LEMD1: variants seen among roughly 807,000 people sequenced by gnomAD.
The protein encoded by LEMD1 is LEM domain containing 1.
Under a neutral mutation model 17.4 loss-of-function variants are expected in LEMD1, and 18 were observed. The ratio of observed to expected loss-of-function variants is 1.04; its 90% CI spans 0.72 to 1.54. LEMD1 has a LOEUF of 1.54. Among genes scored for constraint, LEMD1 ranks in the 40% most tolerant of loss-of-function variants. LEMD1 has a pLI of 0.00. For synonymous variants in LEMD1, 88 were observed against 77.8 expected, an observed-to-expected ratio of 1.13 and a Z score of -0.69; for missense variants, 195 against 210.4, an observed-to-expected ratio of 0.93 and a Z score of 0.45.
At chr1:205,420,901 C>G (rs1478497901) in intron 1 of LEMD1, among the ~76,000 whole-genome samples, 1 of 150,376 alleles carries the variant, frequency 6.6e-6, no homozygotes, top group Non-Finnish European at 1.5e-5. Context: ...GAGCAAAACT[C>G]AAGCTCTGAG....
At chr1:205,429,991 C>T (rs952763828) in intron 1 of LEMD1, among the ~76,000 whole-genome samples, 1 of 152,136 alleles carries the variant, frequency 6.6e-6, no homozygotes, top group Non-Finnish European at 1.5e-5. Flanking sequence ...GGTGACATTC[C>T]GAAACACTAC....
chr1:205,440,109 G>C (rs1666268745), intron 1 of LEMD1, among the ~76,000 whole-genome samples: 1 of 152,150 alleles, frequency 6.6e-6, no homozygotes, highest in South Asian at 2.1e-4. Context: ...GAGAATCAAG[G>C]GAGGGCACGG....
rs58501412 is a variant in LEMD1 at position 205,418,851 on chromosome 1, C to T, written c.205+379G>A. ...CTTAATAGGCATAAAATCATTTAAT[C>T]CCCCCAAAATAATGGTCAGATTTAT... On this transcript the variant is annotated intron_variant, in intron 3 of 5. Coordinates refer to ENST00000367153, the MANE Select transcript of LEMD1 (RefSeq NM_001199050.2). 7.9e-5 allele frequency among the ~76,000 whole-genome samples: 12 copies of T among 152,204 alleles called. No individual in the cohort carries two copies. In the East Asian group the frequency reaches 1.4e-3, roughly 17 times the overall value.
intron 4 of LEMD1, among the ~76,000 whole-genome samples, chr1:205,406,501 C>T (rs1665115243): frequency 6.6e-6 from 1 of 152,240 alleles, no homozygotes; most frequent in Non-Finnish European, 1.5e-5. Context: ...GGCGTAGGAC[C>T]CTCACATCCA....
intron 3 of LEMD1, among the ~76,000 whole-genome samples, chr1:205,417,910 G>A (rs1330634332): frequency 6.6e-6 from 1 of 151,580 alleles, no homozygotes; most frequent in African/African-American, 2.4e-5. Flanking sequence ...GGAGTGGAAA[G>A]AGCAAAGTTT....
intron 1 of LEMD1, among the ~76,000 whole-genome samples, chr1:205,430,470 G>A (rs575766691): frequency 4.4e-4 from 67 of 152,334 alleles, no homozygotes; most frequent in African/African-American, 1.6e-3. Flanking sequence ...GGAGAGTAGG[G>A]TAGGGGTGGA....
chr1:205,406,662 G>C (rs1257047742), intron 4 of LEMD1, among the ~76,000 whole-genome samples: 1 of 152,314 alleles, frequency 6.6e-6, no homozygotes, highest in South Asian at 2.1e-4. Context: ...TGCTTCCAGA[G>C]TGAGGCAATG....
chr1:205,387,576 G>T (rs11582589), intron 4 of LEMD1: 1 of 152,200 alleles, frequency 6.6e-6, no homozygotes, highest in Non-Finnish European at 1.5e-5. Context: ...CAGTGGCTCA[G>T]TGAGGGTAAA....
At chr1:205,422,079 C>T (rs975905850), upstream of LEMD1, 2 of 152,182 alleles carry the variant, frequency 1.3e-5, no homozygotes, top group African/African-American at 4.8e-5. Context: ...AGCAACCAGT[C>T]CCTTTTTGCC....
In LEMD1 at chr1:205,381,773, A is replaced by G; in HGVS notation, c.431T>C (p.Ile144Thr). 1 of 1,614,174 alleles carries G rather than the reference A, an allele frequency of 6.2e-7. No individual in the cohort carries two copies. Among genetic ancestry groups the G allele is most frequent in the Non-Finnish European group, 8.5e-7 (1 of 1,180,016 alleles). Residue 144 changes from isoleucine (I) to threonine (T), a missense_variant, in exon 6 of 6, where the codon ATC becomes ACC. Transcript: ENST00000367153. ...ERDYCAEDQT[I>T]ESWREEGFPV... ...GAAACCTTCTTCTCTCCAGCTCTCG[A>G]TAGTCTGGTCTTCCGCGCAGTAGTC...
intron 4 of LEMD1, among the ~76,000 whole-genome samples, chr1:205,405,181 T>C (rs1665034047): frequency 6.6e-6 from 1 of 152,036 alleles, no homozygotes; most frequent in African/African-American, 2.4e-5. Flanking sequence ...ATTATGTGTC[T>C]TGGAGTTGCT....
chr1:205,423,148 T>A (rs1448920329), upstream of LEMD1, among the ~76,000 whole-genome samples: 1 of 152,202 alleles, frequency 6.6e-6, no homozygotes, highest in Non-Finnish European at 1.5e-5. Context: ...TTCCAGATTC[T>A]GGGAAAGAGC....
At position 205,389,037 on chromosome 1, in the gene LEMD1, CTTTTTTTTTTTT is replaced by C. The variant is rs61341380; in HGVS notation, c.271-4685_271-4674del. Among the ~76,000 whole-genome samples the C allele has an allele frequency of 8.0e-4, 62 of 77,856 alleles. 1 individual carries two copies. Among genetic ancestry groups the C allele is most frequent in the Admixed American group, 1.1e-3 (6 of 5,588 alleles). The allele number at this position is 77,856 out of a possible 152,430, so 51.1% of individuals were successfully genotyped here. ...AATCACCAAAAAGTACATTTGCTTT[CTTTTTTTTTTTT>C]TTTTTTTTTTTTTTTTTGAGATAGA... On this transcript the variant is annotated intron_variant, in intron 4 of 5. Coordinates refer to ENST00000367153, the MANE Select transcript of LEMD1 (RefSeq NM_001199050.2).
intron 4 of LEMD1, 52 bp downstream of exon 4, chr1:205,416,180 C>T (rs913989050): frequency 5.1e-6 from 6 of 1,173,390 alleles, no homozygotes; most frequent in Admixed American, 2.1e-5. Flanking sequence ...CAGAGCTACT[C>T]CCTGTTTTTA....
upstream of LEMD1, among the ~76,000 whole-genome samples, chr1:205,424,827 TAG>T (rs1269778805): frequency 2.0e-5 from 3 of 152,176 alleles, no homozygotes; most frequent in African/African-American, 7.2e-5. Flanking sequence ...TGGGCACACG[TAG>T]AGGTTTATAA....
At chr1:205,388,271 C>T (rs1207388687) in intron 4 of LEMD1, among the ~76,000 whole-genome samples, 1 of 151,652 alleles carries the variant, frequency 6.6e-6, no homozygotes, top group African/African-American at 2.4e-5. Flanking sequence ...GATCTCGGCT[C>T]ACTGCAATCG....
At chr1:205,447,751 C>T (rs1226450549) in intron 1 of LEMD1, among the ~76,000 whole-genome samples, 1 of 84,968 alleles carries the variant, frequency 1.2e-5, no homozygotes, top group African/African-American at 3.3e-5. Flanking sequence ...AGCCTGTCGC[C>T]CGGGGGAGCG....
At chr1:205,404,450 T>C (rs1233709705) in intron 4 of LEMD1, among the ~76,000 whole-genome samples, 1 of 152,212 alleles carries the variant, frequency 6.6e-6, no homozygotes, top group African/African-American at 2.4e-5. Flanking sequence ...CCTTTACCAT[T>C]ATGTAATGGC....
chr1:205,410,824 G>A (rs1270332895), intron 4 of LEMD1, among the ~76,000 whole-genome samples: 4 of 151,262 alleles, frequency 2.6e-5, no homozygotes, highest in Admixed American at 6.6e-5. Flanking sequence ...TTATGATGAT[G>A]CCACTGCACT....
Sources: allele counts gnomAD v4.1 joint callset (sites outside exome capture counted in the v4.1 genomes callset), GRCh38; gene constraint gnomAD v4.1.1; transcripts MANE v1.5; gene names NCBI Gene and HGNC (gene_info 2026-07-23, HGNC 2026-07-21).